The following SARDH variants were observed in gnomAD, a reference collection of about 807,000 sequenced individuals.
SARDH encodes the protein sarcosine dehydrogenase, also known as sarcosine dehydrogenase, mitochondrial.
SARDH carries 95 observed loss-of-function variants against 109.1 expected under a neutral mutation model. The observed-to-expected ratio is 0.87, with a 90% CI of 0.74 to 1.03. SARDH has a LOEUF of 1.03. Among genes scored for constraint, SARDH ranks in the 50% least tolerant of loss-of-function variants. The pLI, the probability that SARDH is intolerant of heterozygous loss-of-function variation, is 0.00. For synonymous variants in SARDH, 572 were observed against 534.8 expected, an observed-to-expected ratio of 1.07 and a Z score of -0.96; for missense variants, 1,267 against 1,287.8, an observed-to-expected ratio of 0.98 and a Z score of 0.25.
At chr9:133,719,069 C>T (rs1362472665) in intron 6 of SARDH, 27 bp from the exon 7 acceptor site, 1 of 1,599,644 alleles carries the variant, frequency 6.3e-7, no homozygotes, top group Non-Finnish European at 8.6e-7. Flanking sequence ...GAGGCCTTGG[C>T]ATCATCCAGA....
intron 16 of SARDH, among the ~76,000 whole-genome samples, chr9:133,689,177 C>T (rs1831000922): frequency 6.8e-6 from 1 of 147,102 alleles, no homozygotes; most frequent in African/African-American, 2.5e-5. Context: ...AGACTCATCT[C>T]CCCCCCACCC....
chr9:133,676,864 C>T (rs1275121022), intron 17 of SARDH, among the ~76,000 whole-genome samples: 2 of 152,188 alleles, frequency 1.3e-5, no homozygotes, highest in African/African-American at 2.4e-5. Context: ...AGAGTCCGGG[C>T]GCAGTGGCTC....
At chr9:133,702,859 G>A in intron 13 of SARDH, 57 bp downstream of exon 13, 2 of 1,531,536 alleles carry the variant, frequency 1.3e-6, no homozygotes, top group Non-Finnish European at 1.8e-6. Flanking sequence ...CGGCGCAATG[G>A]CTTATCTGAG....
chr9:133,670,539 G>A, intron 19 of SARDH, 45 bp downstream of exon 19: 2 of 1,544,594 alleles, frequency 1.3e-6, no homozygotes, highest in East Asian at 4.9e-5. Context: ...TGCCCTGGCT[G>A]TAGGCAGTTG....
intron 15 of SARDH, among the ~76,000 whole-genome samples, chr9:133,691,169 A>ACACACAC (rs1831079042): frequency 2.7e-5 from 3 of 112,188 alleles, no homozygotes; most frequent in East Asian, 5.6e-4. Context: ...CACCTCCCCC[A>ACACACAC]ACACACACAC....
intron 19 of SARDH, chr9:133,667,133 G>T: frequency 1.7e-6 from 1 of 579,386 alleles, no homozygotes; most frequent in South Asian, 2.3e-5. Context: ...TTCCAGAAGC[G>T]AGCCCCGTAT....
At chr9:133,710,622 C>A (rs990555454) in intron 10 of SARDH, among the ~76,000 whole-genome samples, 1 of 152,276 alleles carries the variant, frequency 6.6e-6, no homozygotes, top group Non-Finnish European at 1.5e-5. Flanking sequence ...TGTTCACTTT[C>A]TTTTCTGGGT....
intron 17 of SARDH, among the ~76,000 whole-genome samples, chr9:133,683,426 C>T (rs767055609): frequency 6.6e-6 from 1 of 152,258 alleles, no homozygotes; most frequent in Admixed American, 6.5e-5. Context: ...GCCCCCCTCC[C>T]CTTCTGCAAA....
chr9:133,683,843 A>G (rs1830785209), intron 17 of SARDH, among the ~76,000 whole-genome samples: 1 of 152,150 alleles, frequency 6.6e-6, no homozygotes, highest in Admixed American at 6.5e-5. Flanking sequence ...ACCCCAGACG[A>G]ACATACAGGA....
chr9:133,715,971 G>C (rs1010788894), intron 8 of SARDH, among the ~76,000 whole-genome samples: 2 of 152,248 alleles, frequency 1.3e-5, no homozygotes, highest in African/African-American at 4.8e-5. Flanking sequence ...CAGCCCTGAA[G>C]CGGGGCCAGA....
rs1832560688 is a variant in SARDH at position 133,728,249 on chromosome 9, C to T, written c.915+1516G>A. Among the ~76,000 whole-genome samples the T allele has an allele frequency of 6.6e-6, 1 of 152,170 alleles. No individual in the cohort carries two copies. The highest frequency in any genetic ancestry group is 1.5e-5 in the Non-Finnish European group (1 of 68,018). On this transcript the variant is annotated intron_variant, in intron 6 of 20. Coordinates refer to ENST00000439388, the MANE Select transcript of SARDH (RefSeq NM_001134707.2). This position sits in a 1 kb window ranked among gnomAD's most constrained non-coding sequence, Gnocchi z 5.0. ...CGCACTGGGACCCAGGTTCCGGCCC[C>T]ATTTCGCCACCCGCTTCACTACCCT...
intron 6 of SARDH, among the ~76,000 whole-genome samples, chr9:133,726,074 C>T (rs1340584083): frequency 6.6e-6 from 1 of 152,022 alleles, no homozygotes; most frequent in Non-Finnish European, 1.5e-5. Flanking sequence ...TAACTGAGCA[C>T]TGTTTAAAAA....
rs1346846703 is a variant in SARDH, at chr9:133,733,982, G to A, written c.192C>T (p.Pro64=). The A allele has an allele frequency of 4.3e-6, 7 of 1,612,490 alleles. No homozygotes were observed. Among genetic ancestry groups the A allele is most frequent in the Non-Finnish European group, 5.9e-6 (7 of 1,179,690 alleles). ...CAATGACCACCACGTTGGCCGTGCT[G>A]GGCAGGGGCCGGCTTGGGCCTTGGG... ...VVAQGPSRPL[P]STANVVVIGG... Residue 64 remains proline (P), a synonymous_variant, in exon 2 of 21, where the codon CCC becomes CCT. Transcript: ENST00000439388.
chr9:133,702,874 A>G (rs1178917167), intron 13 of SARDH, 42 bp downstream of exon 13: 1 of 1,575,858 alleles, frequency 6.3e-7, no homozygotes, highest in African/African-American at 1.3e-5. Context: ...TCTGAGGGAC[A>G]GGCAGAAGGA....
intron 16 of SARDH, among the ~76,000 whole-genome samples, chr9:133,688,812 T>C (rs1830979559): frequency 6.6e-6 from 1 of 152,234 alleles, no homozygotes; most frequent in South Asian, 2.1e-4. Context: ...AAATGTCTCC[T>C]TAATGCATGT....
chr9:133,676,714 G>A (rs1049021611), intron 17 of SARDH, among the ~76,000 whole-genome samples: 1 of 152,194 alleles, frequency 6.6e-6, no homozygotes, highest in African/African-American at 2.4e-5. Flanking sequence ...AGACCGGGGG[G>A]AAAGGCGGTA....
chr9:133,718,987 T>TCC lies in SARDH; in HGVS notation c.969_970dup (p.Asp324GlyfsTer71). ...CTCATAGCCACCCACAGACAAGGCA[T>TCC]CCCCTTGGAGGCGGAGGTAGACAGA... On this transcript the variant is annotated frameshift_variant, in exon 7 of 21. Coordinates refer to ENST00000439388, the MANE Select transcript of SARDH (RefSeq NM_001134707.2). LOFTEE classifies it high-confidence loss of function. The surrounding 1 kb of genome is among the most constrained non-coding windows in gnomAD (Gnocchi z 4.2). 1.2e-6 allele frequency: 2 copies of TCC among 1,614,106 alleles called. No individual in the cohort carries two copies. The highest frequency in any genetic ancestry group is 1.7e-6 in the Non-Finnish European group (2 of 1,180,002).
intron 19 of SARDH, among the ~76,000 whole-genome samples, chr9:133,669,572 A>T (rs9409878): frequency 6.6e-6 from 1 of 151,446 alleles, no homozygotes; most frequent in Non-Finnish European, 1.5e-5. Context: ...CCTGGAATCC[A>T]AACTCTCCCA....
chr9:133,712,951 C>G lies in SARDH; in HGVS notation c.1237+87G>C. The stretch of plus-strand genomic sequence containing the variant: ...CTGTCCCCACCACTGTCGGGGGCCA[C>G]GGTGCTCCTGCGCCCGCCTCCCCCA... On this transcript the variant is annotated intron_variant, in intron 9 of 20. Transcript: ENST00000439388. This position sits in a 1 kb window ranked among gnomAD's most constrained non-coding sequence, Gnocchi z 4.1. The G allele has an allele frequency of 8.2e-6, 11 of 1,343,908 alleles. No homozygotes were observed. The highest frequency in any genetic ancestry group is 1.1e-5 in the Non-Finnish European group (11 of 966,124). The allele number at this position is 1,343,908 out of a possible 1,614,324, so 83.2% of individuals were successfully genotyped here. A position where few individuals can be genotyped will look rare whatever the true frequency, so the allele number is the denominator to read the frequency against.
Sources: allele counts gnomAD v4.1 joint callset (sites outside exome capture counted in the v4.1 genomes callset), GRCh38; gene constraint gnomAD v4.1.1; non-coding constraint Gnocchi (gnomAD v3.1); transcripts MANE v1.5; gene names NCBI Gene and HGNC (gene_info 2026-07-23, HGNC 2026-07-21).